The following ABCB11 variants were observed in gnomAD, a reference collection of about 807,000 sequenced individuals.
ABCB11 encodes the protein ATP binding cassette subfamily B member 11, also known as bile salt export pump.
A neutral mutation model predicts 148.0 loss-of-function variants in ABCB11; 95 were observed. The observed-to-expected ratio is 0.64, with a 90% CI of 0.54 to 0.76. The LOEUF is 0.76. ABCB11 is among the 30% of genes least tolerant of loss of function. The pLI is 0.00. For synonymous variants in ABCB11, 591 were observed against 555.4 expected, an observed-to-expected ratio of 1.06 and a Z score of -0.90; for missense variants, 1,523 against 1,617.8, an observed-to-expected ratio of 0.94 and a Z score of 1.01.
intron 5 of ABCB11, among the ~76,000 whole-genome samples, chr2:168,999,976 A>C (rs75736505): frequency 0.036 from 5,509 of 152,182 alleles, 134 homozygotes; most frequent in East Asian, 0.062. Context: ...CCACATCTTC[A>C]TCAACATTTA....
chr2:168,956,866 C>T (rs1300798024), intron 19 of ABCB11, among the ~76,000 whole-genome samples: 1 of 151,592 alleles, frequency 6.6e-6, no homozygotes, highest in Non-Finnish European at 1.5e-5. Flanking sequence ...ATTGTGAAAG[C>T]CCATTTTGGA....
Position 168,954,894 on chromosome 2 carries a change from A to C in ABCB11, c.2343+3070T>G, listed in dbSNP as rs919409276. Reference sequence around the variant, plus strand: ...CAGTTGCTTTATTTAGTCCATGTTCAGTCCCTTTACTTAGTCCTAGACATC... The same window carrying C: ...CAGTTGCTTTATTTAGTCCATGTTCCGTCCCTTTACTTAGTCCTAGACATC... On this transcript the variant is annotated intron_variant, in intron 19 of 27. Coordinates refer to ENST00000650372, the MANE Select transcript of ABCB11 (RefSeq NM_003742.4). Among the ~76,000 whole-genome samples the C allele has an allele frequency of 1.6e-4, 25 of 151,714 alleles. 1 individual carries two copies. The highest frequency in any genetic ancestry group is 1.6e-3 in the Admixed American group (25 of 15,212).
intron 3 of ABCB11, among the ~76,000 whole-genome samples, chr2:169,015,355 C>G (rs1328868358): frequency 1.3e-5 from 2 of 152,064 alleles, no homozygotes; most frequent in Non-Finnish European, 2.9e-5. Flanking sequence ...CTCAGCTGCC[C>G]TAAGCTTCCC....
At position 168,924,800 on chromosome 2, in the gene ABCB11, A is replaced by G; in HGVS notation, c.3622T>C (p.Tyr1208His). 6.2e-7 allele frequency: 1 copy of G among 1,611,214 alleles called. No homozygotes were observed. Among genetic ancestry groups the G allele is most frequent in the South Asian group, 1.1e-5 (1 of 90,596 alleles). Residue 1208 changes from tyrosine to histidine, a missense_variant, in exon 27 of 28, where the codon TAT becomes CAT. Physicochemically the swap from Tyr to His is moderately conservative, Grantham distance 83. Coordinates refer to ENST00000650372, the MANE Select transcript of ABCB11 (RefSeq NM_003742.4). ...CCCTGGGACCCAACGTTAGTTTCATATTTCTGAAAAAAAGTATGATAAGTT... is the reference window on the plus strand; with the variant it reads ...CCCTGGGACCCAACGTTAGTTTCATGTTTCTGAAAAAAAGTATGATAAGTT... Reference protein sequence around the residue: ...HDFVMSLPEKYETNVGSQGSQ... With the variant: ...HDFVMSLPEKHETNVGSQGSQ...
chr2:169,026,178 A>C (rs1695688638), intron 1 of ABCB11, among the ~76,000 whole-genome samples: 1 of 152,248 alleles, frequency 6.6e-6, no homozygotes. Flanking sequence ...TAATAAGAGA[A>C]TAACATGGCT....
chr2:169,016,956 C>T (rs1411071755), intron 2 of ABCB11, among the ~76,000 whole-genome samples, 157 bp from the exon 3 acceptor site: 1 of 140,110 alleles, frequency 7.1e-6, no homozygotes, highest in African/African-American at 2.8e-5. Flanking sequence ...TCTTCCTGCT[C>T]ATATTGTCTC....
At chr2:168,971,731 A>G in intron 14 of ABCB11, 116 bp downstream of exon 14, 1 of 983,048 alleles carries the variant, frequency 1.0e-6, no homozygotes, top group Non-Finnish European at 1.5e-6. Context: ...AAACTAAAAC[A>G]TGGCTTAAGA....
At chr2:168,934,329 C>T (rs375463755) in intron 23 of ABCB11, among the ~76,000 whole-genome samples, 1 of 152,030 alleles carries the variant, frequency 6.6e-6, no homozygotes, top group Non-Finnish European at 1.5e-5. Context: ...ACCCAAGAAC[C>T]GATTCCTATA....
At chr2:169,014,778 T>C (rs947632894) in intron 3 of ABCB11, among the ~76,000 whole-genome samples, 2 of 152,202 alleles carry the variant, frequency 1.3e-5, no homozygotes, top group East Asian at 3.9e-4. Flanking sequence ...CATTAAATAA[T>C]GTTGATAATG....
chr2:169,014,237 TC>T, intron 4 of ABCB11, 65 bp downstream of exon 4: 1 of 1,440,328 alleles, frequency 6.9e-7, no homozygotes. Flanking sequence ...GATTTAACAC[TC>T]CCCTCATGAT....
chr2:169,005,469 G>A (rs900096699), intron 5 of ABCB11, among the ~76,000 whole-genome samples: 12 of 152,232 alleles, frequency 7.9e-5, no homozygotes, highest in African/African-American at 2.9e-4. Context: ...GGTCACTAGG[G>A]AAGTGGGGGA....
intron 12 of ABCB11, among the ~76,000 whole-genome samples, chr2:168,975,303 T>A (rs189588254): frequency 2.5e-5 from 1 of 40,736 alleles, no homozygotes; most frequent in African/African-American, 1.2e-4. Flanking sequence ...ATTTTTATAT[T>A]TAAATATTTA....
At chr2:168,941,546 C>T (rs1184742744) in intron 21 of ABCB11, among the ~76,000 whole-genome samples, 1 of 152,034 alleles carries the variant, frequency 6.6e-6, no homozygotes, top group Non-Finnish European at 1.5e-5. Context: ...AATGGATAAG[C>T]AGTTGCTTCT....
chr2:168,968,259 A>T (rs757464077), intron 17 of ABCB11, among the ~76,000 whole-genome samples, 168 bp downstream of exon 17: 2 of 151,986 alleles, frequency 1.3e-5, no homozygotes, highest in East Asian at 3.9e-4. Context: ...GGGGAGAGAA[A>T]TGTCAATATA....
chr2:168,970,723 T>C (rs4142230), intron 14 of ABCB11: 128,892 of 228,352 alleles, frequency 0.56, 36,992 homozygotes, highest in East Asian at 0.74. Flanking sequence ...TAGGTGTTAG[T>C]GGTCAGACAC....
In ABCB11 at chr2:168,993,733, A is replaced by G. The variant is rs1694621043; in HGVS notation, c.761T>C (p.Ile254Thr). 1.9e-6 allele frequency: 3 copies of G among 1,609,630 alleles called. No homozygotes were observed. The African/African-American group carries it at 4.0e-5, about 21-fold the overall frequency. ...TACCAGACCAATGGTGGCTGCTCCA[A>G]TCCCAATGAGAGGGCTGACAGAAAT... The part of the protein sequence containing the change: ...VIISVSPLIG[I>T]GAATIGLSVS... The change falls in exon 8 of 28, where the codon ATT (isoleucine) becomes ACT (threonine). Residue 254 changes from isoleucine to threonine, a missense_variant. Coordinates refer to ENST00000650372, the MANE Select transcript of ABCB11 (RefSeq NM_003742.4).
Position 168,969,519 on chromosome 2 carries a change from A to G in ABCB11, c.1842T>C (p.Ala614=), listed in dbSNP as rs201589744. Residue 614 remains alanine, a synonymous_variant, in exon 16 of 28, where the codon GCT becomes GCC. Coordinates refer to ENST00000650372, the MANE Select transcript of ABCB11 (RefSeq NM_003742.4). The part of the protein sequence containing the change: ...IQHGHTIISV[A]HRLSTVRAAD... ...CAGCTCTGACCGTAGACAAGCGATG[A>G]GCAACTGAAATGATTGTGTGCCCAT... The G allele has an allele frequency of 1.1e-5, 18 of 1,612,476 alleles. No homozygotes were observed. The African/African-American group carries it at 1.9e-4, about 17-fold the overall frequency.
chr2:169,007,225 A>G (rs1455649192), intron 5 of ABCB11, among the ~76,000 whole-genome samples: 1 of 152,092 alleles, frequency 6.6e-6, no homozygotes, highest in Non-Finnish European at 1.5e-5. Context: ...TGATTTTGAT[A>G]AGGATTCTGA....
chr2:168,999,470 C>T (rs746540366), intron 5 of ABCB11, among the ~76,000 whole-genome samples: 26 of 152,096 alleles, frequency 1.7e-4, no homozygotes, highest in Admixed American at 9.2e-4. Context: ...CCTTTTATAT[C>T]TCCACATGCT....
Sources: allele counts gnomAD v4.1 joint callset (sites outside exome capture counted in the v4.1 genomes callset), GRCh38; gene constraint gnomAD v4.1.1; transcripts MANE v1.5; gene names NCBI Gene and HGNC (gene_info 2026-07-23, HGNC 2026-07-21).